NRDC: variants seen among roughly 807,000 people sequenced by gnomAD.
NRDC encodes nardilysin.
In NRDC, 54 loss-of-function variants were observed where a neutral mutation model predicts 147.1. The ratio of observed to expected loss-of-function variants is 0.37; its 90% CI spans 0.29 to 0.46. NRDC has a LOEUF of 0.46. NRDC is among the 20% of genes least tolerant of loss of function. The pLI is 1.00. For missense variants in NRDC, 1,082 were observed against 1,370.6 expected, an observed-to-expected ratio of 0.79 and a Z score of 3.33; for synonymous variants, 440 against 482.1, an observed-to-expected ratio of 0.91 and a Z score of 1.14.
At chr1:51,851,094 C>A (rs1681923866) in intron 1 of NRDC, among the ~76,000 whole-genome samples, 2 of 152,132 alleles carry the variant, frequency 1.3e-5, no homozygotes, top group Non-Finnish European at 2.9e-5. Flanking sequence ...AGGGACAGAT[C>A]CGTGTATTTG....
intron 1 of NRDC, among the ~76,000 whole-genome samples, chr1:51,848,703 A>G (rs1262752731): frequency 6.6e-6 from 1 of 152,206 alleles, no homozygotes; most frequent in Non-Finnish European, 1.5e-5. Flanking sequence ...CCTTTGGCCA[A>G]AGCAATATAA....
rs1418394410 is a variant in NRDC at position 51,878,507 on chromosome 1, C to A, written c.109G>T (p.Glu37Ter). 6.2e-7 allele frequency: 1 copy of A among 1,613,810 alleles called. No individual in the cohort carries two copies. The change falls in exon 1 of 31, where the codon GAA becomes TAA. Residue 37 changes from glutamate (E) to a stop codon, truncating the protein, a stop_gained. Coordinates refer to ENST00000352171, the MANE Select transcript of NRDC (RefSeq NM_001101662.2). LOFTEE classifies it high-confidence loss of function. The part of the protein sequence containing the change: ...LWGIETRGRC[E>*]DSAAARPFPI... ...AAGGGTCTGGCAGCAGCAGAGTCTT[C>A]GCACCGACCCCGCGTTTCGATTCCC...
chr1:51,819,819 T>A lies in NRDC; in HGVS notation c.1272A>T (p.Ala424=). The part of the protein sequence containing the change: ...GHLTDPFDTP[A]FNKLYRVVPI... ...ACAAACCTCTATAAAGTTTGTTAAATGCTGGTGTGTCAAATGGATCCGTTA... is the reference window on the plus strand; with the variant it reads ...ACAAACCTCTATAAAGTTTGTTAAAAGCTGGTGTGTCAAATGGATCCGTTA... The change falls in exon 9 of 31, where the codon GCA becomes GCT. Residue 424 remains alanine (A), a synonymous_variant. Coordinates refer to ENST00000352171, the MANE Select transcript of NRDC (RefSeq NM_001101662.2). 6.2e-7 allele frequency: 1 copy of A among 1,606,934 alleles called. No individual in the cohort carries two copies. The highest frequency in any genetic ancestry group is 8.5e-7 in the Non-Finnish European group (1 of 1,176,246).
At chr1:51,847,296 C>G (rs1681688397) in intron 1 of NRDC, among the ~76,000 whole-genome samples, 1 of 152,264 alleles carries the variant, frequency 6.6e-6, no homozygotes, top group Non-Finnish European at 1.5e-5. Context: ...CCACTAGACT[C>G]AGGATCCCAG....
intron 1 of NRDC, among the ~76,000 whole-genome samples, chr1:51,859,597 T>C (rs191431181): frequency 6.6e-6 from 1 of 152,336 alleles, no homozygotes. Flanking sequence ...GGTCTACAGC[T>C]GTGCGTAAAT....
chr1:51,804,990 G>A (rs1190717794), intron 19 of NRDC, among the ~76,000 whole-genome samples: 1 of 142,468 alleles, frequency 7.0e-6, no homozygotes, highest in Non-Finnish European at 1.5e-5. Context: ...ACACATTTCC[G>A]AAATATCAAC....
intron 3 of NRDC, among the ~76,000 whole-genome samples, chr1:51,835,734 T>C (rs1680935364): frequency 6.6e-6 from 1 of 152,228 alleles, no homozygotes; most frequent in African/African-American, 2.4e-5. Flanking sequence ...CCCAGAGTGC[T>C]GGGATTACAG....
At chr1:51,789,737 G>C in intron 29 of NRDC, 80 bp from the exon 30 acceptor site, 1 of 986,244 alleles carries the variant, frequency 1.0e-6, no homozygotes, top group Non-Finnish European at 1.6e-6. Flanking sequence ...AGATGTCCCT[G>C]GACCTGCTTA....
intron 1 of NRDC, among the ~76,000 whole-genome samples, chr1:51,872,818 CACTT>C (rs1425230118): frequency 5.9e-5 from 9 of 152,130 alleles, no homozygotes; most frequent in African/African-American, 2.2e-4. Flanking sequence ...ATCTTAAAAG[CACTT>C]ACTTTGTTAA....
At chr1:51,823,957 C>A (rs1322466960) in intron 6 of NRDC, among the ~76,000 whole-genome samples, 171 bp from the exon 7 acceptor site, 1 of 151,808 alleles carries the variant, frequency 6.6e-6, no homozygotes, top group African/African-American at 2.4e-5. Flanking sequence ...GACAAAAATG[C>A]ATAAGAAACA....
chr1:51,848,778 T>A (rs969504273), intron 1 of NRDC, among the ~76,000 whole-genome samples: 1 of 152,222 alleles, frequency 6.6e-6, no homozygotes, highest in Non-Finnish European at 1.5e-5. Flanking sequence ...AACTTACATG[T>A]CTTAACCCAG....
intron 26 of NRDC, 34 bp downstream of exon 26, chr1:51,792,012 T>A (rs757970111): frequency 6.2e-7 from 1 of 1,612,656 alleles, no homozygotes; most frequent in East Asian, 2.2e-5. Context: ...CCTAGGCCCT[T>A]ATTTGAGCTC....
At chr1:51,843,613 TAAC>T (rs1681383427) in intron 1 of NRDC, among the ~76,000 whole-genome samples, 3 of 152,204 alleles carry the variant, frequency 2.0e-5, no homozygotes, top group Admixed American at 2.0e-4. Context: ...TTATACATGT[TAAC>T]AAACTTATAT....
intron 19 of NRDC, among the ~76,000 whole-genome samples, 186 bp downstream of exon 19, chr1:51,805,324 G>A (rs1440506049): frequency 6.6e-6 from 1 of 152,180 alleles, no homozygotes; most frequent in Non-Finnish European, 1.5e-5. Flanking sequence ...TAATGGAGCA[G>A]CCACAGTTCC....
In NRDC at chr1:51,840,522, G is replaced by A. The variant is rs1371879485; in HGVS notation, c.342-8C>T. 3.9e-6 allele frequency: 6 copies of A among 1,554,108 alleles called. No homozygotes were observed. Among genetic ancestry groups the A allele is most frequent in the Admixed American group, 4.1e-5 (2 of 49,124 alleles). ...TTCTGTAATTTGATGTATCTGGGGG[G>A]AGAAAAAAAAAATCACACATTTTGA... On this transcript the variant is annotated splice_region_variant and splice_polypyrimidine_tract_variant and intron_variant, in intron 1 of 30. Coordinates refer to ENST00000352171, the MANE Select transcript of NRDC (RefSeq NM_001101662.2).
rs1436359830 is a variant in NRDC at position 51,790,610 on chromosome 1, G to A, written c.3091C>T (p.His1031Tyr). 2 of 1,613,988 alleles carry A rather than the reference G, an allele frequency of 1.2e-6. No individual in the cohort carries two copies. The highest frequency in any genetic ancestry group is 8.5e-7 in the Non-Finnish European group (1 of 1,179,876). The change falls in exon 29 of 31, where the codon CAC (histidine) becomes TAC (tyrosine). Residue 1031 changes from histidine (H) to tyrosine (Y), a missense_variant. By Grantham distance (83) the His-to-Tyr change is moderately conservative (BLOSUM62 2). This residue lies in a region of NRDC where 187 missense variants were observed against 193.6 expected (regional missense o/e 0.97). Coordinates refer to ENST00000352171, the MANE Select transcript of NRDC (RefSeq NM_001101662.2). ...TTCCTATCCACCTCCTCCCCAAGGTGGGTATCCTCACACTCCTTCAGCTTG... is the reference window on the plus strand; with the variant it reads ...TTCCTATCCACCTCCTCCCCAAGGTAGGTATCCTCACACTCCTTCAGCTTG... ...LIKLKECEDT[H>Y]LGEEVDRNWN...
chr1:51,806,646 G>T, intron 18 of NRDC, 148 bp downstream of exon 18: 1 of 668,020 alleles, frequency 1.5e-6, no homozygotes, highest in Non-Finnish European at 2.6e-6. Flanking sequence ...AGGGTGAGAG[G>T]GCATCAAGGT....
At position 51,819,909 on chromosome 1, in the gene NRDC, CA is replaced by C. The variant is rs1481347201; in HGVS notation, c.1218-37del. 4.0e-6 allele frequency: 6 copies of C among 1,499,114 alleles called. No individual in the cohort carries two copies. In the African/African-American group the frequency reaches 8.3e-5, roughly 21 times the overall value. The allele number at this position is 1,499,114 out of a possible 1,614,324, so 92.9% of individuals were successfully genotyped here. On this transcript the variant is annotated intron_variant, in intron 8 of 30. Coordinates refer to ENST00000352171, the MANE Select transcript of NRDC (RefSeq NM_001101662.2). ...AACAAATACATACAAATTTAACTGG[CA>C]AAAGCCTTTATAAGCAATATCTTTA...
chr1:51,832,216 T>A (rs932918229), intron 4 of NRDC, among the ~76,000 whole-genome samples: 2 of 151,764 alleles, frequency 1.3e-5, no homozygotes, highest in Non-Finnish European at 2.9e-5. Flanking sequence ...CCAGCTAATT[T>A]TTGTGTTTTT....
Sources: allele counts gnomAD v4.1 joint callset (sites outside exome capture counted in the v4.1 genomes callset), GRCh38; gene constraint gnomAD v4.1.1; regional missense constraint gnomAD v4.1.1; transcripts MANE v1.5; gene names NCBI Gene and HGNC (gene_info 2026-07-23, HGNC 2026-07-21).